Variants in UNC13C observed in about 807,000 individuals in gnomAD.
UNC13C encodes unc-13 homolog C.
UNC13C carries 174 observed loss-of-function variants against 245.4 expected under a neutral mutation model. The ratio of observed to expected loss-of-function variants is 0.71; its 90% CI spans 0.63 to 0.80. The LOEUF (loss-of-function observed/expected upper bound fraction) is 0.80. UNC13C is among the 30% of genes least tolerant of loss of function. The probability of loss-of-function intolerance (pLI) is 0.00; values close to 1 mark genes in which losing one functional copy is unlikely to be tolerated. For synonymous variants in UNC13C, 992 were observed against 895.1 expected, an observed-to-expected ratio of 1.11 and a Z score of -1.93; for missense variants, 2,829 against 2,602.9, an observed-to-expected ratio of 1.09 and a Z score of -1.89.
the UNC13C span, among the ~76,000 whole-genome samples, chr15:53,907,901 C>CA: frequency 6.8e-6 from 1 of 146,346 alleles, no homozygotes. Context: ...TTGGAGATTA[C>CA]ATCACCCTTG....
intron 2 of UNC13C, among the ~76,000 whole-genome samples, chr15:54,078,902 G>C (rs80225108): frequency 6.6e-6 from 1 of 152,064 alleles, no homozygotes; most frequent in Admixed American, 6.6e-5. Context: ...ATATCCAGAA[G>C]AGTTTCTCCT....
At chr15:54,355,260 CAA>C (rs1202273204) in intron 17 of UNC13C, among the ~76,000 whole-genome samples, 2 of 152,296 alleles carry the variant, frequency 1.3e-5, no homozygotes, top group African/African-American at 4.8e-5. Flanking sequence ...TATCAAGTAT[CAA>C]AGACAAGCAA....
intron 1 of UNC13C, among the ~76,000 whole-genome samples, chr15:53,979,680 C>A (rs1198610718): frequency 2.0e-5 from 3 of 152,078 alleles, no homozygotes; most frequent in Non-Finnish European, 4.4e-5. Context: ...GAGATGACAA[C>A]ACTTAAAAAT....
chr15:54,519,818 G>A (rs74465204), intron 24 of UNC13C, among the ~76,000 whole-genome samples: 1 of 152,138 alleles, frequency 6.6e-6, no homozygotes, highest in Admixed American at 6.5e-5. Context: ...GGCTTATGAA[G>A]TGATTTAGGG....
chr15:54,091,399 G>A (rs1899565819), intron 2 of UNC13C, among the ~76,000 whole-genome samples: 5 of 152,006 alleles, frequency 3.3e-5, no homozygotes, highest in Admixed American at 3.3e-4. Context: ...TCCTTTCTTA[G>A]GTTCAACATC....
chr15:54,209,854 G>C (rs972769874), intron 4 of UNC13C, among the ~76,000 whole-genome samples: 13 of 152,238 alleles, frequency 8.5e-5, no homozygotes, highest in African/African-American at 3.1e-4. Flanking sequence ...AATTGGGATA[G>C]TCAATTTATC....
intron 30 of UNC13C, among the ~76,000 whole-genome samples, chr15:54,584,010 G>A (rs555434634): frequency 5.3e-5 from 8 of 152,122 alleles, no homozygotes; most frequent in Non-Finnish European, 8.8e-5. Flanking sequence ...GGCTCCTGCC[G>A]CTCTCTGGAC....
chr15:54,545,196 G>A lies in UNC13C; in HGVS notation c.5697-1526G>A, dbSNP rs566870886. 5.1e-4 allele frequency among the ~76,000 whole-genome samples: 77 copies of A among 152,276 alleles called. 1 individual carries two copies. The South Asian group carries it at 6.6e-3, about 13-fold the overall frequency. The stretch of plus-strand genomic sequence containing the variant: ...AAACCTGACAAAAACAAGCAATGGG[G>A]AAACGATTCCCTATTTAACAAATGA... On this transcript the variant is annotated intron_variant, in intron 26 of 32. Coordinates refer to ENST00000260323, the MANE Select transcript of UNC13C (RefSeq NM_001080534.3).
chr15:54,214,432 G>T (rs564979461), intron 4 of UNC13C, among the ~76,000 whole-genome samples: 46 of 152,002 alleles, frequency 3.0e-4, no homozygotes, highest in African/African-American at 1.1e-3. Context: ...TTTGAACTGT[G>T]AAACTATATA....
chr15:54,377,702 T>G (rs1440584146), intron 17 of UNC13C, among the ~76,000 whole-genome samples: 2 of 152,168 alleles, frequency 1.3e-5, no homozygotes, highest in African/African-American at 4.8e-5. Context: ...AGCACAGTCT[T>G]TCTGTGTCCT....
the UNC13C span, among the ~76,000 whole-genome samples, chr15:53,851,438 A>T: frequency 1.3e-5 from 2 of 151,614 alleles, no homozygotes; most frequent in Admixed American, 1.3e-4. Context: ...TTTAATGAAT[A>T]CTCTTTTTGT....
the UNC13C span, among the ~76,000 whole-genome samples, chr15:53,906,127 AG>A: frequency 1.3e-5 from 2 of 152,082 alleles, no homozygotes; most frequent in African/African-American, 4.8e-5. Context: ...TGAGTCCTGG[AG>A]TTCAAGACAA....
At chr15:54,435,097 T>C (rs1596370682) in intron 19 of UNC13C, among the ~76,000 whole-genome samples, 1 of 152,144 alleles carries the variant, frequency 6.6e-6, no homozygotes, top group East Asian at 1.9e-4. Flanking sequence ...CTGGCGTAGA[T>C]GTGGAAAAAT....
At chr15:54,277,734 G>A (rs2036869380) in intron 10 of UNC13C, among the ~76,000 whole-genome samples, 1 of 152,052 alleles carries the variant, frequency 6.6e-6, no homozygotes, top group Non-Finnish European at 1.5e-5. Context: ...TTTGTTCCAA[G>A]GATGAATTAA....
intron 2 of UNC13C, among the ~76,000 whole-genome samples, chr15:54,077,372 T>A (rs889778049): frequency 4.2e-4 from 19 of 44,878 alleles, no homozygotes; most frequent in Non-Finnish European, 9.0e-4. Flanking sequence ...TTTTCTTTTC[T>A]TTTCTTTTTT....
At chr15:54,137,506 T>C (rs976288810) in intron 2 of UNC13C, among the ~76,000 whole-genome samples, 7 of 152,210 alleles carry the variant, frequency 4.6e-5, no homozygotes, top group African/African-American at 1.4e-4. Context: ...TTGTTACTCA[T>C]TATTGGTCTG....
At chr15:54,100,254 G>A (rs956625922) in intron 2 of UNC13C, among the ~76,000 whole-genome samples, 1 of 151,358 alleles carries the variant, frequency 6.6e-6, no homozygotes, top group Admixed American at 6.6e-5. Context: ...TTACTTCTTT[G>A]AGAGTTTTTC....
chr15:53,933,318 C>A, the UNC13C span, among the ~76,000 whole-genome samples: 2 of 151,934 alleles, frequency 1.3e-5, no homozygotes, highest in African/African-American at 4.8e-5. Context: ...ATATAATGTA[C>A]CTCTTCAATA....
intron 4 of UNC13C, among the ~76,000 whole-genome samples, chr15:54,171,232 A>G (rs2033387058): frequency 6.6e-6 from 1 of 152,160 alleles, no homozygotes. Context: ...CTTGGCAACC[A>G]ATGCAAAAAT....
Sources: allele counts gnomAD v4.1 joint callset (sites outside exome capture counted in the v4.1 genomes callset), GRCh38; gene constraint gnomAD v4.1.1; transcripts MANE v1.5; gene names NCBI Gene and HGNC (gene_info 2026-07-23, HGNC 2026-07-21).